AUTS2: variants seen among roughly 807,000 people sequenced by gnomAD.
The protein encoded by AUTS2 is autism susceptibility gene 2 protein.
AUTS2 carries 17 observed loss-of-function variants against 112.4 expected under a neutral mutation model. The observed-to-expected ratio is 0.15, with a 90% CI of 0.10 to 0.23. AUTS2 has a LOEUF of 0.23. AUTS2 is among the 10% of genes least tolerant of loss of function. AUTS2 has a pLI of 1.00. For missense variants in AUTS2, 1,510 were observed against 1,701.6 expected, an observed-to-expected ratio of 0.89 and a Z score of 1.98; for synonymous variants, 751 against 702.7, an observed-to-expected ratio of 1.07 and a Z score of -1.09.
At chr7:69,827,767 C>T (rs1448093471) in intron 1 of AUTS2, among the ~76,000 whole-genome samples, 4 of 152,212 alleles carry the variant, frequency 2.6e-5, no homozygotes, top group African/African-American at 9.6e-5. Flanking sequence ...ATTTACTGTA[C>T]TTGAACGGAG....
At chr7:70,736,675 G>A (rs1787797506) in intron 6 of AUTS2, among the ~76,000 whole-genome samples, 1 of 152,184 alleles carries the variant, frequency 6.6e-6, no homozygotes, top group Non-Finnish European at 1.5e-5. Flanking sequence ...AGTTCCTGGA[G>A]AAGAGAACAC....
At chr7:69,722,929 C>T (rs942232826) in intron 1 of AUTS2, among the ~76,000 whole-genome samples, 1 of 151,760 alleles carries the variant, frequency 6.6e-6, no homozygotes, top group Non-Finnish European at 1.5e-5. Flanking sequence ...ATGATCATTT[C>T]CAGGAGATGG....
At chr7:69,775,065 A>AT (rs963873411) in intron 1 of AUTS2, among the ~76,000 whole-genome samples, 12 of 151,966 alleles carry the variant, frequency 7.9e-5, no homozygotes, top group African/African-American at 1.7e-4. Context: ...AATTTTTTGT[A>AT]TTTTTTTTAT....
At chr7:69,728,117 GA>G (rs1204783222) in intron 1 of AUTS2, among the ~76,000 whole-genome samples, 1 of 152,116 alleles carries the variant, frequency 6.6e-6, no homozygotes, top group East Asian at 1.9e-4. Context: ...GCCCCTACAC[GA>G]AAGAAATTGT....
At chr7:70,574,822 C>T (rs555551367) in intron 5 of AUTS2, among the ~76,000 whole-genome samples, 12 of 152,156 alleles carry the variant, frequency 7.9e-5, no homozygotes, top group Non-Finnish European at 1.3e-4. Context: ...ATTCCCTTCT[C>T]CCCGACCCCC....
intron 2 of AUTS2, among the ~76,000 whole-genome samples, chr7:69,958,373 G>C (rs1398645734): frequency 6.6e-6 from 1 of 152,102 alleles, no homozygotes; most frequent in East Asian, 1.9e-4. Flanking sequence ...CTCTACTCTA[G>C]AATATAAATC....
chr7:69,789,552 CT>C (rs1181840398), intron 1 of AUTS2, among the ~76,000 whole-genome samples: 2 of 152,124 alleles, frequency 1.3e-5, no homozygotes, highest in Non-Finnish European at 2.9e-5. Context: ...GCTACTGCAC[CT>C]TTCTTGGCCT....
At chr7:70,395,881 G>T (rs1325013349) in intron 4 of AUTS2, among the ~76,000 whole-genome samples, 1 of 152,094 alleles carries the variant, frequency 6.6e-6, no homozygotes, top group Non-Finnish European at 1.5e-5. Flanking sequence ...TCCAAGATAT[G>T]TTTTAGCTCT....
chr7:70,339,061 C>T (rs1015304194), intron 4 of AUTS2, among the ~76,000 whole-genome samples: 3 of 151,862 alleles, frequency 2.0e-5, no homozygotes, highest in African/African-American at 7.3e-5. Context: ...AGACAGGTTT[C>T]ACCATGTTGG....
chr7:69,772,199 T>TCA (rs1788696448), intron 1 of AUTS2, among the ~76,000 whole-genome samples: 1 of 152,212 alleles, frequency 6.6e-6, no homozygotes, highest in Non-Finnish European at 1.5e-5. Flanking sequence ...TTGTGCAATT[T>TCA]CTGGATAACT....
chr7:69,995,286 A>G, intron 2 of AUTS2, among the ~76,000 whole-genome samples: 1 of 152,150 alleles, frequency 6.6e-6, no homozygotes, highest in East Asian at 1.9e-4. Context: ...CTTTATATAA[A>G]AGCAACTAGG....
At chr7:70,593,921 G>A (rs1248046007) in intron 5 of AUTS2, among the ~76,000 whole-genome samples, 1 of 152,198 alleles carries the variant, frequency 6.6e-6, no homozygotes, top group Non-Finnish European at 1.5e-5. Flanking sequence ...CCAGGGGCCA[G>A]CAGCGCAAGC....
intron 1 of AUTS2, among the ~76,000 whole-genome samples, chr7:69,662,027 T>C (rs532853018): frequency 6.6e-6 from 1 of 152,296 alleles, no homozygotes; most frequent in East Asian, 1.9e-4. Flanking sequence ...TTTTCTTCTT[T>C]ATTTGCTCCT....
At chr7:70,603,466 G>A (rs1803578014) in intron 5 of AUTS2, among the ~76,000 whole-genome samples, 1 of 152,134 alleles carries the variant, frequency 6.6e-6, no homozygotes, top group African/African-American at 2.4e-5. Flanking sequence ...AACATGCCCC[G>A]TCGCTGGGGT....
At chr7:70,247,640 G>T (rs1369969981) in intron 4 of AUTS2, among the ~76,000 whole-genome samples, 2 of 152,122 alleles carry the variant, frequency 1.3e-5, no homozygotes, top group Admixed American at 6.5e-5. Flanking sequence ...AAACTTACCA[G>T]TTATAGTAAG....
At chr7:70,218,857 A>G (rs538709570) in intron 4 of AUTS2, among the ~76,000 whole-genome samples, 1 of 152,316 alleles carries the variant, frequency 6.6e-6, no homozygotes, top group South Asian at 2.1e-4. Flanking sequence ...ACAGTGCAGT[A>G]GACCTAGCGA....
chr7:69,631,293 G>T (rs907913635), intron 1 of AUTS2, among the ~76,000 whole-genome samples: 24 of 152,176 alleles, frequency 1.6e-4, no homozygotes, highest in African/African-American at 5.5e-4. Context: ...GAAGAGGGCA[G>T]TGTTTCTGTT....
At chr7:69,941,615 G>A (rs1386175515) in intron 2 of AUTS2, among the ~76,000 whole-genome samples, 1 of 149,710 alleles carries the variant, frequency 6.7e-6, no homozygotes, top group East Asian at 1.9e-4. Context: ...ACAGGTGCCT[G>A]TGGAGTTTAT....
intron 1 of AUTS2, among the ~76,000 whole-genome samples, chr7:69,827,498 T>C (rs575629416): frequency 2.6e-4 from 40 of 152,270 alleles, no homozygotes; most frequent in African/African-American, 9.1e-4. Flanking sequence ...GGCTGCAGTA[T>C]ATTCTTCAAT....
Sources: gnomAD v4.1 joint callset for allele counts (sites outside exome capture counted in the v4.1 genomes callset) on GRCh38, gnomAD v4.1.1 for gene constraint, MANE v1.5 for transcripts, NCBI Gene and HGNC (gene_info 2026-07-23, HGNC 2026-07-21) for gene names.